Variants in TMEM232 observed in about 807,000 individuals in gnomAD.
TMEM232 encodes transmembrane protein 232.
In TMEM232, 80 loss-of-function variants were observed where a neutral mutation model predicts 78.8. That is an observed-to-expected ratio of 1.01 (90% CI 0.85 to 1.22). TMEM232 has a LOEUF of 1.22. Ranked by LOEUF, TMEM232 falls within the 50% of genes most tolerant of loss-of-function variation. TMEM232 has a pLI of 0.00. For synonymous variants in TMEM232, 297 were observed against 254.3 expected (o/e 1.17, Z -1.60); for missense variants, 881 against 742.2 (o/e 1.19, Z -2.17).
intron 2 of TMEM232, among the ~76,000 whole-genome samples, chr5:110,406,068 T>C (rs1308913643): frequency 1.3e-5 from 2 of 151,926 alleles, no homozygotes; most frequent in African/African-American, 2.4e-5. Context: ...ACAGGAATTA[T>C]GACTGACTTC....
intron 12 of TMEM232, among the ~76,000 whole-genome samples, chr5:110,452,463 A>G (rs1760417661): frequency 6.6e-6 from 1 of 152,192 alleles, no homozygotes; most frequent in Non-Finnish European, 1.5e-5. Context: ...TTCTGTGTGC[A>G]CAAAGAAAAA....
At chr5:110,567,665 G>T (rs553284467) in intron 11 of TMEM232, among the ~76,000 whole-genome samples, 1 of 152,002 alleles carries the variant, frequency 6.6e-6, no homozygotes, top group South Asian at 2.1e-4. Context: ...GAGCTAGTGG[G>T]TAACCCAACA....
intron 10 of TMEM232, among the ~76,000 whole-genome samples, chr5:110,598,778 G>A (rs1457454239): frequency 1.1e-4 from 16 of 146,014 alleles, no homozygotes; most frequent in South Asian, 1.1e-3. Flanking sequence ...ACCAAACACC[G>A]CATGTTCTCA....
In TMEM232 at chr5:110,606,023, T is replaced by C. The variant is rs1781502436; in HGVS notation, c.1026+141A>G. On this transcript the variant is annotated intron_variant, in intron 9 of 13. Transcript: ENST00000455884. Reference sequence around the variant, plus strand: ...GTTTATGATAAATGGTAACTGTGAATTTGCTTTTATATTTAATTAAATTTA... The same window carrying C: ...GTTTATGATAAATGGTAACTGTGAACTTGCTTTTATATTTAATTAAATTTA... The C allele has an allele frequency of 4.2e-6, 3 of 713,958 alleles. No homozygotes were observed. In the South Asian group the frequency reaches 2.1e-4, roughly 51 times the overall value. The allele number at this position is 713,958 out of a possible 1,614,324, so 44.2% of individuals were successfully genotyped here.
chr5:110,613,681 T>C (rs1024096486), intron 8 of TMEM232, among the ~76,000 whole-genome samples: 1 of 152,134 alleles, frequency 6.6e-6, no homozygotes, highest in Non-Finnish European at 1.5e-5. Flanking sequence ...TCTGAATACA[T>C]GCAGTTCATT....
At chr5:110,648,939 T>C (rs1180716126) in intron 2 of TMEM232, among the ~76,000 whole-genome samples, 3 of 152,094 alleles carry the variant, frequency 2.0e-5, no homozygotes, top group Non-Finnish European at 4.4e-5. Context: ...TTCTGTTCTG[T>C]TGAGAACTCT....
chr5:110,509,079 G>T (rs1767375168), intron 12 of TMEM232, among the ~76,000 whole-genome samples: 2 of 143,334 alleles, frequency 1.4e-5, no homozygotes, highest in African/African-American at 5.1e-5. Flanking sequence ...TATATATTTT[G>T]CATATATATG....
At position 110,642,318 on chromosome 5, in the gene TMEM232, T is replaced by C. The variant is rs773166599; in HGVS notation, c.179A>G (p.Asn60Ser). 1.9e-6 allele frequency: 3 copies of C among 1,540,686 alleles called. No homozygotes were observed. The highest frequency in any genetic ancestry group is 2.6e-6 in the Non-Finnish European group (3 of 1,143,318). Residue 60 changes from asparagine to serine, a missense_variant, in exon 3 of 14, where the codon AAT becomes AGT. Physicochemically the swap from Asn to Ser is conservative, Grantham distance 46 (BLOSUM62 1). Coordinates refer to ENST00000455884, the MANE Select transcript of TMEM232 (RefSeq NM_001039763.4). The stretch of plus-strand genomic sequence containing the variant: ...CAACAATTCTTCCTTCTCTTTGGAA[T>C]TTTGTGTTTGATTGAATCTCAAGAT... ...EFILRFNQTQ[N>S]SKEKEELLEL...
chr5:110,723,401 G>A (rs1011894283), intron 1 of TMEM232, among the ~76,000 whole-genome samples: 1 of 152,090 alleles, frequency 6.6e-6, no homozygotes, highest in African/African-American at 2.4e-5. Context: ...TTGTATCAAT[G>A]TAATAGAGTT....
intron 2 of TMEM232, among the ~76,000 whole-genome samples, chr5:110,652,588 A>G (rs576547852): frequency 6.6e-6 from 1 of 152,326 alleles, no homozygotes; most frequent in Admixed American, 6.5e-5. Context: ...TTAACTTTCT[A>G]TGTAAATCCT....
At chr5:110,538,970 CA>C (rs570111325) in intron 11 of TMEM232, among the ~76,000 whole-genome samples, 50 of 152,274 alleles carry the variant, frequency 3.3e-4, no homozygotes, top group African/African-American at 1.1e-3. Flanking sequence ...ACAAATCTTA[CA>C]ACAGGAATTT....
chr5:110,429,865 G>T (rs1757636532), intron 12 of TMEM232: 1 of 151,616 alleles, frequency 6.6e-6, no homozygotes, highest in South Asian at 2.1e-4. Context: ...CTAATTAATT[G>T]TGTACATTGT....
intron 10 of TMEM232, among the ~76,000 whole-genome samples, chr5:110,583,681 C>G (rs192818637): frequency 4.7e-4 from 71 of 151,870 alleles, no homozygotes; most frequent in African/African-American, 1.7e-3. Context: ...AAGAAAAAAT[C>G]AACAGAGTAA....
intron 11 of TMEM232, among the ~76,000 whole-genome samples, chr5:110,559,910 T>C (rs1279579666): frequency 1.3e-5 from 2 of 152,116 alleles, no homozygotes; most frequent in African/African-American, 2.4e-5. Flanking sequence ...AATGAATCAC[T>C]CCAGTCTTTA....
At chr5:110,499,855 T>A (rs1003166014) in intron 12 of TMEM232, among the ~76,000 whole-genome samples, 1 of 152,120 alleles carries the variant, frequency 6.6e-6, no homozygotes, top group African/African-American at 2.4e-5. Context: ...ATATAGTCAA[T>A]ATAGAGAATA....
chr5:110,570,274 G>A (rs998805664), intron 10 of TMEM232, among the ~76,000 whole-genome samples: 2 of 151,866 alleles, frequency 1.3e-5, no homozygotes, highest in African/African-American at 2.4e-5. Context: ...TTTTTTGAAT[G>A]AATGGCATTA....
chr5:110,573,673 G>C (rs1192838127), intron 10 of TMEM232, among the ~76,000 whole-genome samples: 2 of 152,034 alleles, frequency 1.3e-5, no homozygotes, highest in Non-Finnish European at 2.9e-5. Context: ...GACCAACAAT[G>C]ACTAGAAGAA....
chr5:110,458,280 G>A (rs1385830484), intron 12 of TMEM232, among the ~76,000 whole-genome samples: 2 of 145,114 alleles, frequency 1.4e-5, no homozygotes, highest in South Asian at 4.4e-4. Flanking sequence ...TCTTTTTTTT[G>A]TTTTTTTTTC....
intron 12 of TMEM232, among the ~76,000 whole-genome samples, chr5:110,520,700 A>C (rs552115060): frequency 6.6e-6 from 1 of 152,218 alleles, no homozygotes; most frequent in South Asian, 2.1e-4. Flanking sequence ...CGGGTGGATC[A>C]CCTGAGATCG....
Sources: gnomAD v4.1 joint callset for allele counts (sites outside exome capture counted in the v4.1 genomes callset) on GRCh38, gnomAD v4.1.1 for gene constraint, MANE v1.5 for transcripts, NCBI Gene and HGNC (gene_info 2026-07-23, HGNC 2026-07-21) for gene names.